Variants in MTUS2 observed in about 807,000 individuals in gnomAD.
The protein encoded by MTUS2 is microtubule associated scaffold protein 2.
Under a neutral mutation model 114.1 loss-of-function variants are expected in MTUS2, and 40 were observed. That is an observed-to-expected ratio of 0.35 (90% CI 0.27 to 0.46). MTUS2 has a LOEUF of 0.46. MTUS2 is among the 20% of genes least tolerant of loss of function. The probability of loss-of-function intolerance (pLI) is 1.00; values close to 1 mark genes in which losing one functional copy is unlikely to be tolerated. For missense variants in MTUS2, 1,679 were observed against 1,705.4 expected (o/e 0.98, Z 0.27); for synonymous variants, 688 against 672.0 (o/e 1.02, Z -0.37).
At chr13:29,027,698 C>T (rs1334898503) in intron 3 of MTUS2, among the ~76,000 whole-genome samples, 1 of 152,110 alleles carries the variant, frequency 6.6e-6, no homozygotes, top group African/African-American at 2.4e-5. Flanking sequence ...ACTACAGGCG[C>T]CCGCCACCGC....
At chr13:28,996,310 T>C (rs1359768402) in intron 2 of MTUS2, among the ~76,000 whole-genome samples, 1 of 152,210 alleles carries the variant, frequency 6.6e-6, no homozygotes, top group Non-Finnish European at 1.5e-5. Flanking sequence ...CAGTGTTTTA[T>C]TGGGGATTTT....
intron 8 of MTUS2, among the ~76,000 whole-genome samples, chr13:29,400,566 G>A (rs139157724): frequency 1.3e-5 from 2 of 152,198 alleles, no homozygotes; most frequent in African/African-American, 2.4e-5. Flanking sequence ...ACAGTAATCT[G>A]TTCTGGAAAT....
At chr13:28,930,940 C>A (rs1881582269) in intron 2 of MTUS2, among the ~76,000 whole-genome samples, 1 of 152,164 alleles carries the variant, frequency 6.6e-6, no homozygotes, top group Admixed American at 6.5e-5. Flanking sequence ...CCTTTTATAG[C>A]TGTTTGTTTT....
intron 5 of MTUS2, among the ~76,000 whole-genome samples, chr13:29,160,791 A>G (rs1286308376): frequency 1.3e-5 from 2 of 151,512 alleles, no homozygotes; most frequent in East Asian, 1.9e-4. Context: ...AAAAAATTAT[A>G]TCTGGATTTT....
intron 2 of MTUS2, among the ~76,000 whole-genome samples, chr13:28,980,168 T>A (rs1884294491): frequency 6.6e-6 from 1 of 152,222 alleles, no homozygotes; most frequent in African/African-American, 2.4e-5. Flanking sequence ...ATGTATTGAT[T>A]TTGTGAATAT....
chr13:29,307,428 G>T, intron 6 of MTUS2: 1 of 1,275,456 alleles, frequency 7.8e-7, no homozygotes, highest in Non-Finnish European at 1.1e-6. Flanking sequence ...CCAAGGCTGT[G>T]GCCAAGGTCA....
chr13:29,358,220 T>A (rs1310543515), intron 7 of MTUS2, among the ~76,000 whole-genome samples: 1 of 152,198 alleles, frequency 6.6e-6, no homozygotes, highest in Non-Finnish European at 1.5e-5. Flanking sequence ...CCCAGGTCTG[T>A]CTGTGCCTCC....
chr13:29,316,516 T>A (rs1899996426), intron 6 of MTUS2, among the ~76,000 whole-genome samples: 1 of 152,188 alleles, frequency 6.6e-6, no homozygotes, highest in Non-Finnish European at 1.5e-5. Flanking sequence ...GACTCTCTTC[T>A]AAGCTTTCTC....
chr13:29,075,306 G>A (rs1889140327), intron 4 of MTUS2, among the ~76,000 whole-genome samples: 2 of 150,990 alleles, frequency 1.3e-5, no homozygotes, highest in Admixed American at 1.3e-4. Context: ...CGGCTAAGTT[G>A]TTCCACTGTC....
Position 28,924,920 on chromosome 13 carries a change from C to G in MTUS2, c.-243+85070C>G, listed in dbSNP as rs149706354. ...TTCCTTTGGAAAAGGGTACACACATCGCCTTCTGCTTGGAAAGATAAACCA... is the reference window on the plus strand; with the variant it reads ...TTCCTTTGGAAAAGGGTACACACATGGCCTTCTGCTTGGAAAGATAAACCA... On this transcript the variant is annotated intron_variant, in intron 2 of 15. Transcript: ENST00000612955. 3.9e-5 allele frequency among the ~76,000 whole-genome samples: 6 copies of G among 151,918 alleles called. No individual in the cohort carries two copies. The East Asian group carries it at 1.2e-3, about 30-fold the overall frequency.
At chr13:29,362,341 A>G (rs1870331537) in intron 8 of MTUS2, among the ~76,000 whole-genome samples, 1 of 152,184 alleles carries the variant, frequency 6.6e-6, no homozygotes, top group African/African-American at 2.4e-5. Context: ...GAGTACAAAG[A>G]AATCTGTCAG....
chr13:29,353,032 T>C (rs1869427649), intron 7 of MTUS2, among the ~76,000 whole-genome samples: 1 of 152,270 alleles, frequency 6.6e-6, no homozygotes, highest in Non-Finnish European at 1.5e-5. Flanking sequence ...AATTCTGTTA[T>C]CTGTGTCATT....
intron 10 of MTUS2, chr13:29,484,864 C>G (rs1881479439): frequency 6.6e-6 from 1 of 152,266 alleles, no homozygotes. Flanking sequence ...CAGCTGTATT[C>G]TTACCTGTCT....
intron 5 of MTUS2, among the ~76,000 whole-genome samples, chr13:29,106,679 T>C (rs1268735730): frequency 2.0e-5 from 3 of 152,174 alleles, no homozygotes; most frequent in Non-Finnish European, 2.9e-5. Flanking sequence ...TTTTGCCTTC[T>C]TTTCTGTTCA....
intron 5 of MTUS2, among the ~76,000 whole-genome samples, chr13:29,178,959 A>G (rs1893886474): frequency 6.6e-6 from 1 of 152,218 alleles, no homozygotes; most frequent in Non-Finnish European, 1.5e-5. Flanking sequence ...AGAGAGATGT[A>G]GTGCAGTGAT....
intron 5 of MTUS2, among the ~76,000 whole-genome samples, chr13:29,210,215 T>C (rs1445075391): frequency 2.6e-5 from 4 of 152,038 alleles, no homozygotes; most frequent in Non-Finnish European, 5.9e-5. Context: ...TTTGATTCTG[T>C]TGTTGACACT....
chr13:28,826,300 AT>A (rs1301402149), intron 1 of MTUS2, among the ~76,000 whole-genome samples: 1 of 152,234 alleles, frequency 6.6e-6, no homozygotes, highest in Non-Finnish European at 1.5e-5. Flanking sequence ...TAGATAAAAA[AT>A]GATTACTTTG....
intron 4 of MTUS2, among the ~76,000 whole-genome samples, chr13:29,059,265 G>A (rs971116070): frequency 5.3e-5 from 5 of 94,254 alleles, no homozygotes; most frequent in East Asian, 4.4e-4. Flanking sequence ...TATCTTCTTC[G>A]ATGCCTTTGG....
chr13:29,487,170 T>C (rs993966240), intron 10 of MTUS2, among the ~76,000 whole-genome samples: 4 of 152,336 alleles, frequency 2.6e-5, no homozygotes, highest in East Asian at 1.9e-4. Flanking sequence ...GGCAACCTTA[T>C]GTTTAAAAAC....
Sources: gnomAD v4.1 joint callset for allele counts (sites outside exome capture counted in the v4.1 genomes callset) on GRCh38, gnomAD v4.1.1 for gene constraint, MANE v1.5 for transcripts, NCBI Gene and HGNC (gene_info 2026-07-23, HGNC 2026-07-21) for gene names.